TMC1: variants seen among roughly 807,000 people sequenced by gnomAD.
TMC1 encodes transmembrane channel-like protein 1.
TMC1 carries 84 observed loss-of-function variants against 105.8 expected under a neutral mutation model. The observed-to-expected ratio is 0.79, with a 90% CI of 0.67 to 0.95. The LOEUF (loss-of-function observed/expected upper bound fraction) is 0.95, where lower values mean the gene tolerates loss of function less well. TMC1 is among the 40% of genes least tolerant of loss of function. The pLI is 0.00. For synonymous variants in TMC1, 315 were observed against 311.5 expected, an observed-to-expected ratio of 1.01 and a Z score of -0.12; for missense variants, 817 against 914.1, an observed-to-expected ratio of 0.89 and a Z score of 1.37.
chr9:72,715,107 G>A (rs1826896255), intron 8 of TMC1, among the ~76,000 whole-genome samples: 1 of 152,174 alleles, frequency 6.6e-6, no homozygotes, highest in Admixed American at 6.5e-5. Context: ...CTTCTGGCTT[G>A]TAGGGTTTCT....
intron 1 of TMC1, among the ~76,000 whole-genome samples, chr9:72,552,522 A>G (rs1415553948): frequency 6.6e-6 from 1 of 152,184 alleles, no homozygotes; most frequent in African/African-American, 2.4e-5. Flanking sequence ...CACATCACAG[A>G]TGCTTATTTG....
intron 4 of TMC1, among the ~76,000 whole-genome samples, chr9:72,646,638 A>AT (rs1187565984): frequency 3.3e-5 from 5 of 149,690 alleles, no homozygotes; most frequent in African/African-American, 1.2e-4. Context: ...TTTTTTATTT[A>AT]TTTATTTTTT....
intron 17 of TMC1, among the ~76,000 whole-genome samples, chr9:72,802,219 C>G (rs1828484720): frequency 6.6e-6 from 1 of 150,756 alleles, no homozygotes; most frequent in Non-Finnish European, 1.5e-5. Context: ...ATAGCAAGAC[C>G]CCTGTCTCTA....
At chr9:72,829,280 G>A (rs1265247592) in intron 21 of TMC1, among the ~76,000 whole-genome samples, 1 of 152,116 alleles carries the variant, frequency 6.6e-6, no homozygotes, top group Admixed American at 6.5e-5. Flanking sequence ...TGGCTTTCGG[G>A]TATCTAAGCA....
At chr9:72,805,948 C>A (rs1239628623) in intron 18 of TMC1, among the ~76,000 whole-genome samples, 2 of 152,146 alleles carry the variant, frequency 1.3e-5, no homozygotes, top group Admixed American at 6.5e-5. Context: ...CTACTTCTTT[C>A]TACACAGACA....
intron 12 of TMC1, 54 bp from the exon 13 acceptor site, chr9:72,772,359 C>T: frequency 1.2e-6 from 2 of 1,611,416 alleles, no homozygotes; most frequent in Non-Finnish European, 1.7e-6. Flanking sequence ...TTGATCTTTT[C>T]CTTTGAGTTG....
At chr9:72,786,491 C>T (rs535488909) in intron 13 of TMC1, among the ~76,000 whole-genome samples, 2 of 152,078 alleles carry the variant, frequency 1.3e-5, no homozygotes, top group African/African-American at 2.4e-5. Flanking sequence ...AAAGAAACAC[C>T]TTAGGCAACA....
At chr9:72,685,409 G>T (rs1826364383) in intron 5 of TMC1, among the ~76,000 whole-genome samples, 1 of 148,688 alleles carries the variant, frequency 6.7e-6, no homozygotes, top group African/African-American at 2.5e-5. Context: ...TGTGGCCCAG[G>T]CTGGAGAGCA....
chr9:72,522,882 T>C (rs1244856014), intron 1 of TMC1, among the ~76,000 whole-genome samples: 1 of 152,208 alleles, frequency 6.6e-6, no homozygotes, highest in Non-Finnish European at 1.5e-5. Flanking sequence ...TGGGGCCTGA[T>C]AATCCTTTTT....
rs183792002 is a variant in TMC1 at position 72,719,143 on chromosome 9, G to A, written c.362+18500G>A. 1.0e-3 allele frequency among the ~76,000 whole-genome samples: 153 copies of A among 152,258 alleles called. 1 individual carries two copies. The highest frequency in any genetic ancestry group is 1.7e-3 in the Non-Finnish European group (118 of 68,018). On this transcript the variant is annotated intron_variant, in intron 8 of 23. Transcript: ENST00000297784. ...CAGCCTCCTGGTTGAGAAAGCAAGC[G>A]GGGCTTTTGTGCCACCTCCCTGCCT...
At position 72,836,258 on chromosome 9, in the gene TMC1, G is replaced by A. The variant is rs1829125778; in HGVS notation, c.*285G>A. On this transcript the variant is annotated 3_prime_UTR_variant, in exon 24 of 24. Coordinates refer to ENST00000297784, the MANE Select transcript of TMC1 (RefSeq NM_138691.3). ...TTTAACAAATTGAGTTTAGAAGTGA[G>A]TGTAATCCAGCAATACAGTTTACTG... 2.1e-6 allele frequency: 1 copy of A among 474,290 alleles called. No individual in the cohort carries two copies. Among genetic ancestry groups the A allele is most frequent in the Non-Finnish European group, 3.8e-6 (1 of 265,766 alleles). The allele number at this position is 474,290 out of a possible 1,614,324, so 29.4% of individuals were successfully genotyped here. A position where few individuals can be genotyped will look rare whatever the true frequency, so the allele number is the denominator to read the frequency against.
intron 1 of TMC1, among the ~76,000 whole-genome samples, chr9:72,538,518 C>T (rs1022586803): frequency 2.0e-5 from 3 of 152,034 alleles, no homozygotes; most frequent in Non-Finnish European, 2.9e-5. Flanking sequence ...CTCACTGTAA[C>T]CTCCGTCTCC....
At chr9:72,762,381 G>A (rs1480846778) in intron 12 of TMC1, among the ~76,000 whole-genome samples, 1 of 152,116 alleles carries the variant, frequency 6.6e-6, no homozygotes, top group East Asian at 1.9e-4. Flanking sequence ...TGAGCAGCAC[G>A]CCCAGCTGCT....
At chr9:72,557,909 A>T (rs1031722332) in intron 1 of TMC1, among the ~76,000 whole-genome samples, 1 of 152,194 alleles carries the variant, frequency 6.6e-6, no homozygotes, top group African/African-American at 2.4e-5. Flanking sequence ...GATGTCTTTT[A>T]TTCTGTGGCC....
intron 8 of TMC1, among the ~76,000 whole-genome samples, chr9:72,713,608 C>T (rs1310721966): frequency 4.6e-5 from 7 of 152,042 alleles, no homozygotes; most frequent in East Asian, 3.8e-4. Flanking sequence ...TCTGTGGGAT[C>T]GGCGGTGATA....
At chr9:72,633,864 G>A (rs568918242) in intron 4 of TMC1, among the ~76,000 whole-genome samples, 1 of 152,230 alleles carries the variant, frequency 6.6e-6, no homozygotes, top group South Asian at 2.1e-4. Flanking sequence ...AACAACATCC[G>A]ATCCCATGGA....
At chr9:72,588,027 G>A (rs1195883034) in intron 2 of TMC1, among the ~76,000 whole-genome samples, 3 of 152,016 alleles carry the variant, frequency 2.0e-5, no homozygotes, top group Non-Finnish European at 2.9e-5. Context: ...GGCCTCAAGT[G>A]ACCCATCCTC....
intron 17 of TMC1, among the ~76,000 whole-genome samples, chr9:72,802,253 A>G (rs562537628): frequency 6.9e-6 from 1 of 144,778 alleles, no homozygotes; most frequent in South Asian, 2.1e-4. Flanking sequence ...ATACATACAT[A>G]TATACATACA....
chr9:72,570,556 T>G (rs1824259669), intron 1 of TMC1, among the ~76,000 whole-genome samples: 1 of 151,912 alleles, frequency 6.6e-6, no homozygotes, highest in Non-Finnish European at 1.5e-5. Context: ...TGCTTTTAAA[T>G]TCATTTCTTA....
Sources: gnomAD v4.1 joint callset for allele counts (sites outside exome capture counted in the v4.1 genomes callset) on GRCh38, gnomAD v4.1.1 for gene constraint, MANE v1.5 for transcripts, NCBI Gene and HGNC (gene_info 2026-07-23, HGNC 2026-07-21) for gene names.